The following LY75 variants were observed in gnomAD, a reference collection of about 807,000 sequenced individuals.
LY75 encodes the protein lymphocyte antigen 75.
LY75 carries 185 observed loss-of-function variants against 231.7 expected under a neutral mutation model. The observed-to-expected ratio is 0.80, with a 90% confidence interval of 0.71 to 0.90. The LOEUF is 0.90. LY75 is among the 40% of genes least tolerant of loss of function. The probability of loss-of-function intolerance (pLI) is 0.00; values close to 1 mark genes in which losing one functional copy is unlikely to be tolerated. For synonymous variants in LY75, 668 were observed against 689.0 expected, an observed-to-expected ratio of 0.97 and a Z score of 0.48; for missense variants, 1,947 against 2,050.2, an observed-to-expected ratio of 0.95 and a Z score of 0.97.
chr2:159,880,850 T>C (rs1690331092), intron 8 of LY75, among the ~76,000 whole-genome samples: 1 of 152,154 alleles, frequency 6.6e-6, no homozygotes, highest in Non-Finnish European at 1.5e-5. Flanking sequence ...CTAATGCTGC[T>C]GCCAATCTGA....
At chr2:159,845,853 A>G (rs1397278470) in intron 23 of LY75, among the ~76,000 whole-genome samples, 2 of 145,562 alleles carry the variant, frequency 1.4e-5, no homozygotes, top group African/African-American at 5.4e-5. Context: ...ATACTGATAT[A>G]AATATTATAA....
chr2:159,848,655 T>C (rs1684292617), intron 23 of LY75, among the ~76,000 whole-genome samples: 1 of 152,178 alleles, frequency 6.6e-6, no homozygotes, highest in Admixed American at 6.5e-5. Context: ...ATGATCTCAC[T>C]TATATCAAGA....
At chr2:159,881,656 A>G (rs1248239038) in intron 7 of LY75, among the ~76,000 whole-genome samples, 4 of 152,230 alleles carry the variant, frequency 2.6e-5, no homozygotes, top group African/African-American at 9.6e-5. Flanking sequence ...ATTCTAGCTA[A>G]GAGTTCTATT....
Position 159,882,197 on chromosome 2 carries a change from G to T in LY75, c.1173C>A (p.Ala391=). 6.2e-7 allele frequency: 1 copy of T among 1,614,058 alleles called. No homozygotes were observed. The highest frequency in any genetic ancestry group is 8.5e-7 in the Non-Finnish European group (1 of 1,179,946). The part of the protein sequence containing the change: ...SWDKAHAKCK[A]FSSDLISIHS... ...GAATGCTGATTAGGTCACTACTGAA[G>T]GCTTTGCATTTCGCATGTGCCTTAT... is the stretch of plus-strand genomic sequence containing the variant. Residue 391 remains alanine, a synonymous_variant, in exon 7 of 35, where the codon GCC becomes GCA. Coordinates refer to ENST00000263636, the MANE Select transcript of LY75 (RefSeq NM_002349.4).
At chr2:159,852,502 T>C (rs1684434866) in intron 20 of LY75, 162 bp from the exon 21 acceptor site, 1 of 561,762 alleles carries the variant, frequency 1.8e-6, no homozygotes, top group Admixed American at 6.4e-5. Flanking sequence ...TACTGCATCC[T>C]CCACCTCCCA....
Position 159,882,196 on chromosome 2 carries a change from A to T in LY75, c.1174T>A (p.Phe392Ile). 6.2e-7 allele frequency: 1 copy of T among 1,614,074 alleles called. No individual in the cohort carries two copies. Among genetic ancestry groups the T allele is most frequent in the South Asian group, 1.1e-5 (1 of 91,082 alleles). The stretch of plus-strand genomic sequence containing the variant: ...TGAATGCTGATTAGGTCACTACTGA[A>T]GGCTTTGCATTTCGCATGTGCCTTA... ...WDKAHAKCKAFSSDLISIHSL... is the reference protein window; with the variant it reads ...WDKAHAKCKAISSDLISIHSL... Residue 392 changes from phenylalanine (F) to isoleucine (I), a missense_variant, in exon 7 of 35, where the codon TTC (phenylalanine) becomes ATC (isoleucine). Physicochemically the swap from Phe to Ile is conservative, Grantham distance 21. Coordinates refer to ENST00000263636, the MANE Select transcript of LY75 (RefSeq NM_002349.4).
intron 28 of LY75, 100 bp from the exon 29 acceptor site, chr2:159,820,020 C>T: frequency 2.5e-6 from 3 of 1,215,038 alleles, no homozygotes; most frequent in Non-Finnish European, 3.3e-6. Flanking sequence ...TTCTCTTTTC[C>T]CAACCTTCTA....
At chr2:159,863,933 G>T (rs1397717) in intron 14 of LY75, among the ~76,000 whole-genome samples, 61,827 of 151,904 alleles carry the variant, frequency 0.41, 13,268 homozygotes, top group South Asian at 0.67. Context: ...CCCTATAGTA[G>T]TCAGTACAGT....
intron 4 of LY75, among the ~76,000 whole-genome samples, chr2:159,889,917 A>G (rs527480273): frequency 1.1e-4 from 17 of 152,280 alleles, no homozygotes; most frequent in African/African-American, 4.1e-4. Context: ...GAGTTTAATT[A>G]TTCGCTTTTT....
In LY75 at chr2:159,818,056, AT is replaced by A. The variant is rs200441521; in HGVS notation, c.4154-1025del. On this transcript the variant is annotated intron_variant, in intron 29 of 34. Coordinates refer to ENST00000263636, the MANE Select transcript of LY75 (RefSeq NM_002349.4). ...AGAGCAAGACTCCATCTCCAAAAAAATAAATAAATAAATAAAATAATAAAAT... is the reference window on the plus strand; with the variant it reads ...AGAGCAAGACTCCATCTCCAAAAAAAAAATAAATAAATAAAATAATAAAAT... Among the ~76,000 whole-genome samples the A allele has an allele frequency of 1.2e-3, 178 of 152,142 alleles. 2 individuals are homozygous for A. In the East Asian group the frequency reaches 0.031, roughly 27 times the overall value.
intron 28 of LY75, 55 bp from the exon 29 acceptor site, chr2:159,819,975 C>A: frequency 1.4e-6 from 2 of 1,478,798 alleles, no homozygotes; most frequent in Non-Finnish European, 1.8e-6. Context: ...ACTTGAATTA[C>A]ACTTATACAG....
At chr2:159,888,256 GT>G (rs1685652072) in intron 4 of LY75, among the ~76,000 whole-genome samples, 1 of 152,308 alleles carries the variant, frequency 6.6e-6, no homozygotes. Flanking sequence ...CTGTGCTCCT[GT>G]AGTCCTAGCT....
At chr2:159,839,730 T>C (rs1263154170) in intron 25 of LY75, among the ~76,000 whole-genome samples, 1 of 151,680 alleles carries the variant, frequency 6.6e-6, no homozygotes, top group African/African-American at 2.4e-5. Flanking sequence ...TGGAAGCTGG[T>C]CGTGGTGGCT....
intron 28 of LY75, among the ~76,000 whole-genome samples, chr2:159,820,331 T>G (rs1270472694): frequency 6.6e-6 from 1 of 152,198 alleles, no homozygotes; most frequent in Non-Finnish European, 1.5e-5. Context: ...GTGGTATATA[T>G]GTACCATGGA....
intron 34 of LY75, among the ~76,000 whole-genome samples, chr2:159,806,143 A>T (rs1682787209): frequency 6.6e-6 from 1 of 152,178 alleles, no homozygotes; most frequent in Admixed American, 6.5e-5. Context: ...TCCATCACAT[A>T]GAGTTTATAA....
intron 2 of LY75, among the ~76,000 whole-genome samples, chr2:159,895,215 T>C (rs1277275290): frequency 6.6e-6 from 1 of 152,234 alleles, no homozygotes; most frequent in Non-Finnish European, 1.5e-5. Flanking sequence ...AAGGTAATAA[T>C]AATCTGGATG....
At chr2:159,865,528 A>G (rs1042969966) in intron 13 of LY75, among the ~76,000 whole-genome samples, 7 of 152,182 alleles carry the variant, frequency 4.6e-5, no homozygotes, top group Admixed American at 6.6e-5. Context: ...AGAGAAGTAT[A>G]AGACCTACAT....
intron 29 of LY75, among the ~76,000 whole-genome samples, chr2:159,819,260 A>G (rs180687293): frequency 6.6e-6 from 1 of 152,336 alleles, no homozygotes; most frequent in East Asian, 1.9e-4. Flanking sequence ...ATTTAAAAAT[A>G]GATTTATTTA....
chr2:159,890,011 T>C (rs1316214232), intron 4 of LY75, among the ~76,000 whole-genome samples: 2 of 152,252 alleles, frequency 1.3e-5, no homozygotes, highest in Non-Finnish European at 2.9e-5. Context: ...CTCTTTAGTT[T>C]CCATCACAAG....
Sources: gnomAD v4.1 joint callset for allele counts (sites outside exome capture counted in the v4.1 genomes callset) on GRCh38, gnomAD v4.1.1 for gene constraint, MANE v1.5 for transcripts, NCBI Gene and HGNC (gene_info 2026-07-23, HGNC 2026-07-21) for gene names.